HIVEP2: variants seen among roughly 807,000 people sequenced by gnomAD.
HIVEP2 encodes the protein HIVEP zinc finger 2, also known as transcription factor HIVEP2.
Under a neutral mutation model 180.7 loss-of-function variants are expected in HIVEP2, and 14 were observed. The ratio of observed to expected loss-of-function variants is 0.08; its 90% CI spans 0.05 to 0.12. The LOEUF (loss-of-function observed/expected upper bound fraction) is 0.12. Ranked by LOEUF, HIVEP2 falls within the 10% of genes least tolerant of loss-of-function variation. HIVEP2 has a pLI of 1.00. For missense variants in HIVEP2, 2,579 were observed against 3,008.5 expected (o/e 0.86, Z 3.34); for synonymous variants, 1,184 against 1,136.4 (o/e 1.04, Z -0.84).
intron 1 of HIVEP2, among the ~76,000 whole-genome samples, chr6:142,842,958 G>C (rs1775406800): frequency 6.6e-6 from 1 of 152,176 alleles, no homozygotes. Context: ...CAACATCGTA[G>C]TTACAGTAAG....
chr6:142,775,807 C>T (rs983674904), intron 4 of HIVEP2, among the ~76,000 whole-genome samples: 1 of 148,364 alleles, frequency 6.7e-6, no homozygotes, highest in African/African-American at 2.5e-5. Context: ...TGCACTGCAG[C>T]CTGGCGACAG....
intron 1 of HIVEP2, among the ~76,000 whole-genome samples, chr6:142,864,106 G>T (rs908303994): frequency 6.6e-6 from 1 of 152,092 alleles, no homozygotes; most frequent in African/African-American, 2.4e-5. Flanking sequence ...GCTGTAGGGG[G>T]TGTCCTTTCT....
At chr6:142,847,942 T>C (rs1050598664) in intron 1 of HIVEP2, among the ~76,000 whole-genome samples, 3 of 152,220 alleles carry the variant, frequency 2.0e-5, no homozygotes, top group African/African-American at 7.2e-5. Context: ...AACACAGTTA[T>C]ATAACATAAT....
intron 6 of HIVEP2, among the ~76,000 whole-genome samples, chr6:142,767,915 G>A (rs966002621): frequency 1.3e-5 from 2 of 152,170 alleles, no homozygotes; most frequent in African/African-American, 4.8e-5. Flanking sequence ...GATGGAACTG[G>A]TGAAATCCCA....
At chr6:142,924,550 A>C (rs926522547) in intron 1 of HIVEP2, among the ~76,000 whole-genome samples, 7 of 152,252 alleles carry the variant, frequency 4.6e-5, no homozygotes, top group African/African-American at 1.4e-4. Context: ...CAAGAAACAT[A>C]AACTTCTCAG....
At chr6:142,761,060 C>G (rs765831084) in intron 8 of HIVEP2, among the ~76,000 whole-genome samples, 1 of 152,174 alleles carries the variant, frequency 6.6e-6, no homozygotes, top group Non-Finnish European at 1.5e-5. Flanking sequence ...GAGGTCTGGC[C>G]AACCTTAATG....
chr6:142,773,211 A>G lies in HIVEP2; in HGVS notation c.1528T>C (p.Ser510Pro), dbSNP rs2114660232. ...AGTTTTCCTTCGTTCCTGATAGATG[A>G]TGGAATAATCTGGGGTTGTCTGGAC... The part of the protein sequence containing the change: ...SESRQPQIIP[S>P]SIRNEGKLYP... The change falls in exon 5 of 10, where the codon TCA (serine) becomes CCA (proline). Residue 510 changes from serine (S) to proline (P), a missense_variant. Physicochemically the swap from Ser to Pro is moderately conservative, Grantham distance 74. This residue lies in a region of HIVEP2 where 524 missense variants were observed against 563.6 expected (regional missense o/e 0.93). Transcript: ENST00000367603. 2.5e-6 allele frequency: 4 copies of G among 1,614,178 alleles called. No individual in the cohort carries two copies. The highest frequency in any genetic ancestry group is 2.5e-6 in the Non-Finnish European group (3 of 1,180,032).
intron 2 of HIVEP2, among the ~76,000 whole-genome samples, chr6:142,793,736 C>T (rs1188556055): frequency 1.4e-5 from 2 of 146,432 alleles, no homozygotes; most frequent in Non-Finnish European, 3.0e-5. Flanking sequence ...AGACAGGGTC[C>T]AGCTCTGTCA....
At chr6:142,765,079 T>C in intron 6 of HIVEP2, 105 bp from the exon 7 acceptor site, 1 of 997,928 alleles carries the variant, frequency 1.0e-6, no homozygotes, top group Non-Finnish European at 1.4e-6. Context: ...TGAGGGTCTT[T>C]TGCAGACAAT....
intron 1 of HIVEP2, among the ~76,000 whole-genome samples, chr6:142,918,236 G>A (rs574231942): frequency 1.3e-5 from 2 of 149,524 alleles, no homozygotes; most frequent in East Asian, 2.0e-4. Context: ...AATAGAGACC[G>A]GGTTTCGCCA....
At chr6:142,849,916 G>A in intron 1 of HIVEP2, among the ~76,000 whole-genome samples, 1 of 152,130 alleles carries the variant, frequency 6.6e-6, no homozygotes, top group Non-Finnish European at 1.5e-5. Context: ...TGTGCAAAGG[G>A]GCTGAGAACA....
chr6:142,790,617 A>G (rs1225650958), intron 2 of HIVEP2, among the ~76,000 whole-genome samples: 1 of 152,262 alleles, frequency 6.6e-6, no homozygotes, highest in Non-Finnish European at 1.5e-5. Context: ...ATATACATAA[A>G]TAAGGTCATG....
intron 2 of HIVEP2, among the ~76,000 whole-genome samples, chr6:142,800,766 G>T (rs966739062): frequency 6.6e-6 from 1 of 152,082 alleles, no homozygotes; most frequent in Non-Finnish European, 1.5e-5. Flanking sequence ...CAAAGAACTG[G>T]CTCTATTATA....
intron 2 of HIVEP2, among the ~76,000 whole-genome samples, chr6:142,820,199 T>G (rs1218834764): frequency 6.6e-6 from 1 of 152,128 alleles, no homozygotes; most frequent in Non-Finnish European, 1.5e-5. Context: ...TAACCTTCAT[T>G]AATTTTTCCA....
chr6:142,869,387 A>G (rs753302158), intron 1 of HIVEP2, among the ~76,000 whole-genome samples: 26 of 152,364 alleles, frequency 1.7e-4, no homozygotes, highest in Non-Finnish European at 2.6e-4. Flanking sequence ...ATAAATATAT[A>G]TAGTATCAAC....
At chr6:142,862,926 ATATTG>A (rs1274924412) in intron 1 of HIVEP2, among the ~76,000 whole-genome samples, 2 of 133,704 alleles carry the variant, frequency 1.5e-5, no homozygotes, top group Non-Finnish European at 3.1e-5. Flanking sequence ...AAAATGTAAT[ATATTG>A]TACTTTACAT....
chr6:142,935,298 C>T (rs56389921), intron 1 of HIVEP2, among the ~76,000 whole-genome samples: 10,603 of 152,130 alleles, frequency 0.07, 1,248 homozygotes, highest in African/African-American at 0.24. Context: ...CTGTAATCCC[C>T]GCACTTTGGG....
chr6:142,825,776 A>G (rs1774878730), intron 2 of HIVEP2, among the ~76,000 whole-genome samples: 2 of 152,186 alleles, frequency 1.3e-5, no homozygotes, highest in Non-Finnish European at 2.9e-5. Flanking sequence ...GAAAATGTTA[A>G]CTAATTGCAT....
At chr6:142,807,048 G>A (rs1776571377) in intron 2 of HIVEP2, among the ~76,000 whole-genome samples, 1 of 152,172 alleles carries the variant, frequency 6.6e-6, no homozygotes, top group Non-Finnish European at 1.5e-5. Context: ...GATAAGTGAT[G>A]TTACATATAG....
Sources: allele counts gnomAD v4.1 joint callset (sites outside exome capture counted in the v4.1 genomes callset), GRCh38; gene constraint gnomAD v4.1.1; regional missense constraint gnomAD v4.1.1; transcripts MANE v1.5; gene names NCBI Gene and HGNC (gene_info 2026-07-23, HGNC 2026-07-21).